CNTN4: variants seen among roughly 807,000 people sequenced by gnomAD.
CNTN4 encodes contactin 4, also known as contactin-4.
In CNTN4, 77 loss-of-function variants were observed where a neutral mutation model predicts 122.5. The observed-to-expected ratio is 0.63, with a 90% CI of 0.52 to 0.76. The LOEUF (loss-of-function observed/expected upper bound fraction) is 0.76. Among genes scored for constraint, CNTN4 ranks in the 30% least tolerant of loss-of-function variants. The probability of loss-of-function intolerance (pLI) is 0.00; values close to 1 mark genes in which losing one functional copy is unlikely to be tolerated. For synonymous variants in CNTN4, 512 were observed against 447.0 expected (o/e 1.15, Z -1.83); for missense variants, 1,256 against 1,259.1 (o/e 1.00, Z 0.04).
intron 3 of CNTN4, among the ~76,000 whole-genome samples, chr3:2,394,144 G>A (rs141408340): frequency 6.6e-6 from 1 of 151,522 alleles, no homozygotes; most frequent in Non-Finnish European, 1.5e-5. Flanking sequence ...AATTTGCAGA[G>A]TGTGTCGTTT....
At chr3:3,054,261 A>G (rs1424316477) in intron 24 of CNTN4, among the ~76,000 whole-genome samples, 3 of 152,140 alleles carry the variant, frequency 2.0e-5, no homozygotes, top group African/African-American at 7.2e-5. Flanking sequence ...TTTGCATTGC[A>G]TCTATTGTAG....
rs140398255 is a variant in CNTN4, at chr3:2,520,801, C to T, written c.-88-50615C>T. 4.3e-3 allele frequency among the ~76,000 whole-genome samples: 650 copies of T among 152,136 alleles called. 7 individuals are homozygous for T. The highest frequency in any genetic ancestry group is 0.014 in the African/African-American group (585 of 41,502). ...TGTTTAAGCACAGTCATTTTTCTTG[C>T]GTACCTGTGCAGATGACAGAATCAC... On this transcript the variant is annotated intron_variant, in intron 3 of 24. Coordinates refer to ENST00000418658, the MANE Select transcript of CNTN4 (RefSeq NM_175607.3).
At chr3:2,717,540 C>G (rs1458829880) in intron 4 of CNTN4, among the ~76,000 whole-genome samples, 1 of 152,134 alleles carries the variant, frequency 6.6e-6, no homozygotes, top group East Asian at 1.9e-4. Context: ...GCTGATTTTT[C>G]TCTGTATCCT....
Position 2,957,306 on chromosome 3 carries a change from C to T in CNTN4, c.1359-31039C>T, listed in dbSNP as rs1381179788. On this transcript the variant is annotated intron_variant, in intron 13 of 24. Coordinates refer to ENST00000418658, the MANE Select transcript of CNTN4 (RefSeq NM_175607.3). Reference sequence around the variant, plus strand: ...ACACCCTAGTCAATGCTTGTTGTCTCTTGTCTTTTTCATAGTAGTCATTCT... The same window carrying T: ...ACACCCTAGTCAATGCTTGTTGTCTTTTGTCTTTTTCATAGTAGTCATTCT... Among the ~76,000 whole-genome samples, 4 of 152,170 alleles carry T rather than the reference C, an allele frequency of 2.6e-5. No homozygotes were observed. In the East Asian group the frequency reaches 7.7e-4, roughly 29 times the overall value.
intron 3 of CNTN4, among the ~76,000 whole-genome samples, chr3:2,405,360 C>T (rs537153391): frequency 6.6e-6 from 1 of 152,220 alleles, no homozygotes; most frequent in South Asian, 2.1e-4. Context: ...TTTGAAGTAG[C>T]TGATTTCAAA....
At chr3:2,789,593 C>T (rs1013536379) in intron 6 of CNTN4, among the ~76,000 whole-genome samples, 25 of 152,146 alleles carry the variant, frequency 1.6e-4, no homozygotes, top group African/African-American at 4.3e-4. Flanking sequence ...CCACCATGCC[C>T]GGTGAATTTT....
chr3:2,695,087 C>T (rs1221525725), intron 4 of CNTN4, among the ~76,000 whole-genome samples: 1 of 152,066 alleles, frequency 6.6e-6, no homozygotes, highest in Non-Finnish European at 1.5e-5. Context: ...TATTACATGC[C>T]AGGGGCTGGG....
chr3:2,615,287 T>C (rs2081668771), intron 4 of CNTN4, among the ~76,000 whole-genome samples: 1 of 152,232 alleles, frequency 6.6e-6, no homozygotes, highest in Non-Finnish European at 1.5e-5. Flanking sequence ...GAAAAGCAAC[T>C]AATTAACAAG....
At chr3:2,901,180 C>G (rs1038509790) in intron 11 of CNTN4, among the ~76,000 whole-genome samples, 1 of 152,170 alleles carries the variant, frequency 6.6e-6, no homozygotes, top group Admixed American at 6.5e-5. Context: ...TACAGGATAT[C>G]CATCTAAATA....
At chr3:2,695,144 T>A (rs1576478912) in intron 4 of CNTN4, among the ~76,000 whole-genome samples, 1 of 152,230 alleles carries the variant, frequency 6.6e-6, no homozygotes, top group Non-Finnish European at 1.5e-5. Context: ...TATAGGAATA[T>A]CTTACAGCAG....
intron 3 of CNTN4, chr3:2,362,479 C>A: frequency 2.1e-6 from 1 of 482,682 alleles, no homozygotes; most frequent in South Asian, 1.6e-5. Flanking sequence ...CTAGCAGTGT[C>A]TTGTGTTCCC....
chr3:2,448,879 G>A (rs895246261), intron 3 of CNTN4, among the ~76,000 whole-genome samples: 5 of 152,076 alleles, frequency 3.3e-5, no homozygotes, highest in African/African-American at 1.2e-4. Context: ...TGAATGATGA[G>A]GTACCATATC....
rs140791311 is a variant in CNTN4 at position 3,024,293 on chromosome 3, T to C, written c.1487-1809T>C. Among the ~76,000 whole-genome samples, 870 of 151,024 alleles carry C rather than the reference T, an allele frequency of 5.8e-3. 4 individuals carry two copies. Among genetic ancestry groups the C allele is most frequent in the Non-Finnish European group, 9.3e-3 (631 of 67,856 alleles). On this transcript the variant is annotated intron_variant, in intron 14 of 24. Coordinates refer to ENST00000418658, the MANE Select transcript of CNTN4 (RefSeq NM_175607.3). ...CATTTTTTCTTGAGGAAAATGTAAA[T>C]TTAAAAACGTCAAATGACATGTTAA...
At chr3:2,114,749 A>G (rs2033222753) in intron 2 of CNTN4, among the ~76,000 whole-genome samples, 1 of 152,096 alleles carries the variant, frequency 6.6e-6, no homozygotes, top group South Asian at 2.1e-4. Context: ...GAATTGGGAG[A>G]TATTCTTTAT....
intron 6 of CNTN4, among the ~76,000 whole-genome samples, chr3:2,777,394 T>C (rs965575437): frequency 6.6e-6 from 1 of 151,972 alleles, no homozygotes; most frequent in African/African-American, 2.4e-5. Flanking sequence ...CTTCTAAGAG[T>C]GTGTTTGTAG....
chr3:2,151,877 A>G (rs1343123324), intron 2 of CNTN4, among the ~76,000 whole-genome samples: 1 of 152,226 alleles, frequency 6.6e-6, no homozygotes, highest in Non-Finnish European at 1.5e-5. Flanking sequence ...TGGACTTCTC[A>G]GCCTTCATAA....
chr3:2,364,972 A>G (rs1287482031), intron 3 of CNTN4, among the ~76,000 whole-genome samples: 2 of 152,150 alleles, frequency 1.3e-5, no homozygotes, highest in Non-Finnish European at 2.9e-5. Flanking sequence ...CAAAGCATTT[A>G]TTTATCCGTT....
In CNTN4 at chr3:2,637,561, A is replaced by T. The variant is rs575967051; in HGVS notation, c.55+66003A>T. Among the ~76,000 whole-genome samples, 8 of 151,990 alleles carry T rather than the reference A, an allele frequency of 5.3e-5. No homozygotes were observed. The South Asian group carries it at 1.7e-3, about 32-fold the overall frequency. ...TGCAATACAGGGGCCCAAGTATGTC[A>T]CCCCGTGATTGGTCCCTGCCTCAAC... On this transcript the variant is annotated intron_variant, in intron 4 of 24. Transcript: ENST00000418658.
intron 13 of CNTN4, among the ~76,000 whole-genome samples, chr3:2,973,178 A>C (rs1693096940): frequency 6.6e-6 from 1 of 152,060 alleles, no homozygotes; most frequent in African/African-American, 2.4e-5. Context: ...AGTTGAGTCT[A>C]ATTATTTAGA....
Sources: gnomAD v4.1 joint callset for allele counts (sites outside exome capture counted in the v4.1 genomes callset) on GRCh38, gnomAD v4.1.1 for gene constraint, MANE v1.5 for transcripts, NCBI Gene and HGNC (gene_info 2026-07-23, HGNC 2026-07-21) for gene names.